Variants in GPC6 observed in about 807,000 individuals in gnomAD.
GPC6 encodes glypican-6.
GPC6 carries 14 observed loss-of-function variants against 55.2 expected under a neutral mutation model. That is an observed-to-expected ratio of 0.25 (90% CI 0.17 to 0.40). The LOEUF (loss-of-function observed/expected upper bound fraction) is 0.40, where lower values mean the gene tolerates loss of function less well. GPC6 is among the 10% of genes least tolerant of loss of function. The pLI is 1.00. For missense variants in GPC6, 641 were observed against 708.5 expected, an observed-to-expected ratio of 0.90 and a Z score of 1.08; for synonymous variants, 278 against 259.6, an observed-to-expected ratio of 1.07 and a Z score of -0.68.
chr13:93,392,564 G>C (rs769805653), intron 1 of GPC6, among the ~76,000 whole-genome samples: 1 of 152,138 alleles, frequency 6.6e-6, no homozygotes, highest in Non-Finnish European at 1.5e-5. Context: ...AGTCCCAAAG[G>C]ACCCTTAGCT....
intron 6 of GPC6, among the ~76,000 whole-genome samples, chr13:94,355,570 GGAAAT>G (rs1338270619): frequency 1.3e-5 from 2 of 152,100 alleles, no homozygotes; most frequent in Non-Finnish European, 2.9e-5. Context: ...AAATGAATGA[GGAAAT>G]GAAATGATGA....
chr13:93,262,911 C>T (rs1877199433), intron 1 of GPC6, among the ~76,000 whole-genome samples: 2 of 151,938 alleles, frequency 1.3e-5, no homozygotes, highest in South Asian at 4.2e-4. Context: ...GATTTATTGC[C>T]AAGGGAAAAG....
At chr13:93,868,526 G>A (rs896168514) in intron 3 of GPC6, among the ~76,000 whole-genome samples, 4 of 151,704 alleles carry the variant, frequency 2.6e-5, no homozygotes, top group Admixed American at 6.6e-5. Flanking sequence ...CTCTCCTCAC[G>A]AGTGATATTT....
chr13:93,682,908 C>A (rs1295307974), intron 2 of GPC6, among the ~76,000 whole-genome samples: 1 of 150,652 alleles, frequency 6.6e-6, no homozygotes, highest in African/African-American at 2.4e-5. Flanking sequence ...ATCCTAGCTA[C>A]TTGGGAGGCT....
chr13:93,338,129 C>A (rs1201920137), intron 1 of GPC6, among the ~76,000 whole-genome samples: 1 of 152,156 alleles, frequency 6.6e-6, no homozygotes, highest in African/African-American at 2.4e-5. Flanking sequence ...TCTTCCTTTT[C>A]TCTTCTATAC....
chr13:93,600,963 A>G (rs946384637), intron 2 of GPC6, among the ~76,000 whole-genome samples: 4 of 150,318 alleles, frequency 2.7e-5, no homozygotes, highest in South Asian at 2.1e-4. Context: ...AAAAAAAAAA[A>G]AAAGAAAAAA....
intron 1 of GPC6, among the ~76,000 whole-genome samples, chr13:93,285,176 GC>G (rs1878069486): frequency 6.6e-6 from 1 of 152,142 alleles, no homozygotes; most frequent in African/African-American, 2.4e-5. Context: ...CTTTATCCCT[GC>G]AATAATGCGT....
chr13:93,411,035 C>A (rs552871124), intron 1 of GPC6, among the ~76,000 whole-genome samples: 61 of 152,274 alleles, frequency 4.0e-4, no homozygotes, highest in African/African-American at 1.4e-3. Flanking sequence ...ATTACATAAA[C>A]ACAAATACAT....
At chr13:93,357,947 G>A (rs1012526811) in intron 1 of GPC6, among the ~76,000 whole-genome samples, 13 of 152,218 alleles carry the variant, frequency 8.5e-5, no homozygotes, top group Non-Finnish European at 1.6e-4. Flanking sequence ...TGAAGAACCA[G>A]GAAGTGACTG....
chr13:93,917,874 G>A (rs572270453), intron 3 of GPC6, among the ~76,000 whole-genome samples: 2 of 152,128 alleles, frequency 1.3e-5, no homozygotes, highest in Admixed American at 6.5e-5. Flanking sequence ...TGAGGTGGGC[G>A]GATCACAAGC....
chr13:94,404,479 T>C lies in GPC6; in HGVS notation c.*1262T>C, dbSNP rs1047355114. The C allele has an allele frequency of 3.3e-5, 5 of 152,330 alleles. No individual in the cohort carries two copies. Among genetic ancestry groups the C allele is most frequent in the Admixed American group, 3.3e-4 (5 of 15,308 alleles). 9.4% of individuals were successfully genotyped at this position (152,330 alleles called of 1,614,324 possible). A position where few individuals can be genotyped will look rare whatever the true frequency, so the allele number is the denominator to read the frequency against. On this transcript the variant is annotated 3_prime_UTR_variant, in exon 9 of 9. Coordinates refer to ENST00000377047, the MANE Select transcript of GPC6 (RefSeq NM_005708.5). Reference sequence around the variant, plus strand: ...ATGTTTTGTCAACCAGCTCTTCTTGTTTTGTGCTGCTCAAAGAAGGGATTC... The same window carrying C: ...ATGTTTTGTCAACCAGCTCTTCTTGCTTTGTGCTGCTCAAAGAAGGGATTC...
intron 3 of GPC6, among the ~76,000 whole-genome samples, chr13:93,888,899 A>G (rs547883731): frequency 1.3e-5 from 2 of 152,252 alleles, no homozygotes; most frequent in East Asian, 3.9e-4. Flanking sequence ...GGGCTAAACT[A>G]ATAGAACTGA....
chr13:94,277,199 T>A (rs1892242952), intron 4 of GPC6, among the ~76,000 whole-genome samples: 1 of 152,198 alleles, frequency 6.6e-6, no homozygotes, highest in East Asian at 1.9e-4. Flanking sequence ...GCTGTTGAGC[T>A]TTTTTTCATA....
At chr13:94,027,005 A>G (rs887104366) in intron 3 of GPC6, among the ~76,000 whole-genome samples, 1 of 152,186 alleles carries the variant, frequency 6.6e-6, no homozygotes, top group Non-Finnish European at 1.5e-5. Flanking sequence ...TTCCTCTTGA[A>G]GTCAAATTAG....
intron 3 of GPC6, among the ~76,000 whole-genome samples, chr13:93,867,501 A>T (rs555829310): frequency 6.6e-6 from 1 of 151,774 alleles, no homozygotes; most frequent in Non-Finnish European, 1.5e-5. Flanking sequence ...AAAAGAGTAA[A>T]TTAGAATGAT....
chr13:94,061,666 T>C (rs1884328720), intron 4 of GPC6, among the ~76,000 whole-genome samples: 1 of 151,782 alleles, frequency 6.6e-6, no homozygotes, highest in Non-Finnish European at 1.5e-5. Flanking sequence ...TCTTGACTCA[T>C]GGGAGGTGAA....
At chr13:93,326,148 G>A (rs183935488) in intron 1 of GPC6, among the ~76,000 whole-genome samples, 104 of 152,260 alleles carry the variant, frequency 6.8e-4, no homozygotes, top group African/African-American at 2.4e-3. Flanking sequence ...GTTGAGGGGT[G>A]GCTTTGCAGC....
At chr13:93,346,177 G>C (rs1156234690) in intron 1 of GPC6, among the ~76,000 whole-genome samples, 2 of 152,106 alleles carry the variant, frequency 1.3e-5, no homozygotes, top group Non-Finnish European at 2.9e-5. Context: ...AAGTTTTAAA[G>C]AGAAGGTGAA....
At chr13:93,506,849 G>T (rs1391174223) in intron 1 of GPC6, among the ~76,000 whole-genome samples, 3 of 141,552 alleles carry the variant, frequency 2.1e-5, no homozygotes, top group African/African-American at 8.0e-5. Context: ...ATCCATCCTG[G>T]CTAACACGGT....
Sources: gnomAD v4.1 joint callset for allele counts (sites outside exome capture counted in the v4.1 genomes callset) on GRCh38, gnomAD v4.1.1 for gene constraint, MANE v1.5 for transcripts, NCBI Gene and HGNC (gene_info 2026-07-23, HGNC 2026-07-21) for gene names.